Variants in RAB3B observed in about 807,000 individuals in gnomAD.
RAB3B encodes the protein RAB3B, member RAS oncogene family, also known as ras-related protein Rab-3B.
A neutral mutation model predicts 20.5 loss-of-function variants in RAB3B; 11 were observed. The observed-to-expected ratio is 0.54, with a 90% CI of 0.34 to 0.89. RAB3B has a LOEUF of 0.89. Among genes scored for constraint, RAB3B ranks in the 40% least tolerant of loss-of-function variants. RAB3B has a pLI of 0.02. For synonymous variants in RAB3B, 99 were observed against 106.3 expected (o/e 0.93, Z 0.42); for missense variants, 225 against 280.9 (o/e 0.80, Z 1.42).
At chr1:51,957,731 A>G (rs1684726331) in intron 2 of RAB3B, among the ~76,000 whole-genome samples, 1 of 152,208 alleles carries the variant, frequency 6.6e-6, no homozygotes, top group African/African-American at 2.4e-5. Flanking sequence ...AATGGGCCTC[A>G]GATTCCTGGT....
rs1295436926 is a variant in RAB3B at position 51,937,379 on chromosome 1, T to C, written c.262A>G (p.Thr88Ala). 1.9e-6 allele frequency: 3 copies of C among 1,612,586 alleles called. No homozygotes were observed. Among genetic ancestry groups the C allele is most frequent in the East Asian group, 2.2e-5 (1 of 44,812 alleles). ...ATGGCCCCACGGTAATAGGCTGTTG[T>C]GATGGTCCGGTACCGCTCCTGCCCA... ...TAGQERYRTI[T>A]TAYYRGAMGF... The change falls in exon 3 of 5, where the codon ACA becomes GCA. Residue 88 changes from threonine (T) to alanine (A), a missense_variant. Physicochemically the swap from Thr to Ala is moderately conservative, Grantham distance 58. Transcript: ENST00000371655.
At position 51,937,342 on chromosome 1, in the gene RAB3B, A is replaced by G; in HGVS notation, c.299T>C (p.Leu100Pro). ...AYYRGAMGFI[L>P]MYDITNEESF... ...CTCTTCATTGGTGATGTCATACATC[A>G]GAATGAAGCCCATGGCCCCACGGTA... Residue 100 changes from leucine to proline, a missense_variant, in exon 3 of 5, where the codon CTG (leucine) becomes CCG (proline). Leu to Pro is a moderately conservative substitution (Grantham distance 98). Transcript: ENST00000371655. The G allele has an allele frequency of 1.2e-6, 2 of 1,613,582 alleles. No homozygotes were observed. The highest frequency in any genetic ancestry group is 1.7e-6 in the Non-Finnish European group (2 of 1,179,670).
intron 2 of RAB3B, among the ~76,000 whole-genome samples, chr1:51,937,674 T>G (rs1162343845): frequency 6.6e-6 from 1 of 152,006 alleles, no homozygotes; most frequent in Non-Finnish European, 1.5e-5. Context: ...ATTTTGTATT[T>G]TTAGTAGAGA....
At chr1:51,988,157 A>T (rs1391203348) in intron 1 of RAB3B, among the ~76,000 whole-genome samples, 1 of 152,214 alleles carries the variant, frequency 6.6e-6, no homozygotes, top group East Asian at 1.9e-4. Context: ...GCAATATAGC[A>T]GGGGCTCAAT....
At position 51,914,075 on chromosome 1, in the gene RAB3B, A is replaced by C. The variant is rs1157475767; in HGVS notation, c.*5852T>G. The C allele has an allele frequency of 6.6e-6, 1 of 152,374 alleles. No homozygotes were observed. Among genetic ancestry groups the C allele is most frequent in the South Asian group, 2.1e-4 (1 of 4,832 alleles). 9.4% of individuals were successfully genotyped at this position (152,374 alleles called of 1,614,324 possible). Reference sequence around the variant, plus strand: ...AACCACCCAGCCAACCCACAGAATCATAAGAAATGATACATGTTTGTTGTT... The same window carrying C: ...AACCACCCAGCCAACCCACAGAATCCTAAGAAATGATACATGTTTGTTGTT... On this transcript the variant is annotated 3_prime_UTR_variant, in exon 5 of 5. Coordinates refer to ENST00000371655, the MANE Select transcript of RAB3B (RefSeq NM_002867.4).
At chr1:51,963,869 A>G (rs1465979262) in intron 2 of RAB3B, among the ~76,000 whole-genome samples, 1 of 152,122 alleles carries the variant, frequency 6.6e-6, no homozygotes, top group Non-Finnish European at 1.5e-5. Context: ...GTTCAAGGAT[A>G]TTGTCCCAGC....
At chr1:51,929,072 C>A (rs1304007570) in intron 4 of RAB3B, among the ~76,000 whole-genome samples, 2 of 152,184 alleles carry the variant, frequency 1.3e-5, no homozygotes, top group African/African-American at 2.4e-5. Flanking sequence ...CCTCCCCCAG[C>A]CACTGGGATG....
intron 1 of RAB3B, among the ~76,000 whole-genome samples, chr1:51,989,103 G>GCACACACACACACACACACACACACACA (rs60307928): frequency 7.5e-6 from 1 of 132,676 alleles, no homozygotes; most frequent in Admixed American, 7.3e-5. Flanking sequence ...CTGTGCGCGC[G>GCACACACACACACACACACACACACACA]CACACACACA....
At chr1:51,988,846 T>C (rs1259848677) in intron 1 of RAB3B, among the ~76,000 whole-genome samples, 1 of 152,116 alleles carries the variant, frequency 6.6e-6, no homozygotes, top group African/African-American at 2.4e-5. Context: ...GATCTATTTC[T>C]TGGACTGGAG....
intron 4 of RAB3B, among the ~76,000 whole-genome samples, chr1:51,928,356 C>T (rs765755037): frequency 6.6e-5 from 10 of 152,220 alleles, no homozygotes; most frequent in Non-Finnish European, 1.5e-4. Context: ...ATCCACCTGC[C>T]TCGGCCTCCC....
At position 51,919,831 on chromosome 1, in the gene RAB3B, A is replaced by G. The variant is rs1406021832; in HGVS notation, c.*96T>C. ...TTGCTCTGAGTGTGGGCAGTGTGTA[A>G]CAGGGAGAGTGGGCTGAGAGCGGAC... On this transcript the variant is annotated 3_prime_UTR_variant, in exon 5 of 5. Coordinates refer to ENST00000371655, the MANE Select transcript of RAB3B (RefSeq NM_002867.4). 1 of 1,271,706 alleles carries G rather than the reference A, an allele frequency of 7.9e-7. No individual in the cohort carries two copies. Among genetic ancestry groups the G allele is most frequent in the Admixed American group, 2.4e-5 (1 of 42,424 alleles). The allele number at this position is 1,271,706 out of a possible 1,614,324, so 78.8% of individuals were successfully genotyped here. A position where few individuals can be genotyped will look rare whatever the true frequency, so the allele number is the denominator to read the frequency against.
chr1:51,961,724 G>A (rs1234827145), intron 2 of RAB3B, among the ~76,000 whole-genome samples: 3 of 152,046 alleles, frequency 2.0e-5, no homozygotes, highest in Non-Finnish European at 4.4e-5. Context: ...GATATAACAA[G>A]GGGTTCAAAA....
At position 51,967,609 on chromosome 1, in the gene RAB3B, C is replaced by A. The variant is rs1379262329; in HGVS notation, c.228+9281G>T. On this transcript the variant is annotated intron_variant, in intron 2 of 4. Transcript: ENST00000371655. The stretch of plus-strand genomic sequence containing the variant: ...TGGTTATAGCTCAAGGCAGCCTTGA[C>A]CTCCCAGGCTCAAGTGATCCTCTGG... Among the ~76,000 whole-genome samples, 4 of 138,172 alleles carry A rather than the reference C, an allele frequency of 2.9e-5. No individual in the cohort carries two copies. The East Asian group carries it at 9.4e-4, about 33-fold the overall frequency. The allele number at this position is 138,172 out of a possible 152,430, so 90.6% of individuals were successfully genotyped here. A position where few individuals can be genotyped will look rare whatever the true frequency, so the allele number is the denominator to read the frequency against.
rs1684019480 is a variant in RAB3B, at chr1:51,912,578, T to TATATATATATATAAAAAAA, written c.*7348_*7349insTTTTTTTATATATATATAT. On this transcript the variant is annotated 3_prime_UTR_variant, in exon 5 of 5. Transcript: ENST00000371655. ...AAATATATATATATATATATATATA[T>TATATATATATATAAAAAAA]ATATATATATATATATATATATAAA... 1 of 24,636 alleles carries TATATATATATATAAAAAAA rather than the reference T, an allele frequency of 4.1e-5. No homozygotes were observed. Among genetic ancestry groups the TATATATATATATAAAAAAA allele is most frequent in the Non-Finnish European group, 9.0e-5 (1 of 11,068 alleles). The allele number at this position is 24,636 out of a possible 1,614,324, so 1.5% of individuals were successfully genotyped here.
At chr1:51,952,386 A>G (rs944956921) in intron 2 of RAB3B, among the ~76,000 whole-genome samples, 2 of 152,210 alleles carry the variant, frequency 1.3e-5, no homozygotes, top group Non-Finnish European at 2.9e-5. Flanking sequence ...ATTTCCACCA[A>G]GATAAAGGCA....
At chr1:51,986,783 C>T (rs1314913828) in intron 1 of RAB3B, among the ~76,000 whole-genome samples, 1 of 152,184 alleles carries the variant, frequency 6.6e-6, no homozygotes, top group Non-Finnish European at 1.5e-5. Flanking sequence ...AGTTGGAAGG[C>T]TCATTCAGAT....
chr1:51,955,622 A>T (rs1290954047), intron 2 of RAB3B, among the ~76,000 whole-genome samples: 1 of 151,548 alleles, frequency 6.6e-6, no homozygotes, highest in Non-Finnish European at 1.5e-5. Flanking sequence ...CTGGTCTCAA[A>T]CTCCCGACCT....
At chr1:51,977,857 G>C (rs898115913) in intron 1 of RAB3B, among the ~76,000 whole-genome samples, 2 of 152,072 alleles carry the variant, frequency 1.3e-5, no homozygotes, top group Non-Finnish European at 2.9e-5. Context: ...CAGCTCTAAA[G>C]ATCAAGTCCA....
intron 2 of RAB3B, among the ~76,000 whole-genome samples, chr1:51,963,759 G>C (rs1219029880): frequency 1.3e-5 from 2 of 152,066 alleles, no homozygotes; most frequent in Non-Finnish European, 2.9e-5. Context: ...AGCTGCACCT[G>C]TGCCCAAACC....
Sources: gnomAD v4.1 joint callset for allele counts (sites outside exome capture counted in the v4.1 genomes callset) on GRCh38, gnomAD v4.1.1 for gene constraint, MANE v1.5 for transcripts, NCBI Gene and HGNC (gene_info 2026-07-23, HGNC 2026-07-21) for gene names.